The following UGT2A2 variants were observed in gnomAD, a reference collection of about 807,000 sequenced individuals.
The protein encoded by UGT2A2 is UDP glucuronosyltransferase family 2 member A2.
A neutral mutation model predicts 50.7 loss-of-function variants in UGT2A2; 60 were observed. The ratio of observed to expected loss-of-function variants is 1.18; its 90% confidence interval spans 0.96 to 1.47. The LOEUF is 1.47. UGT2A2 is among the 40% of genes most tolerant of loss of function. The pLI is 0.00. For missense variants in UGT2A2, 762 were observed against 634.0 expected, an observed-to-expected ratio of 1.20 and a Z score of -2.17; for synonymous variants, 242 against 214.6, an observed-to-expected ratio of 1.13 and a Z score of -1.11.
chr4:69,594,905 A>T (rs1042407422), intron 4 of UGT2A2, among the ~76,000 whole-genome samples: 22 of 152,158 alleles, frequency 1.4e-4, no homozygotes, highest in African/African-American at 5.1e-4. Flanking sequence ...CTGGGAATAT[A>T]TTACTGAGGA....
chr4:69,599,017 A>G (rs1719096995), intron 2 of UGT2A2, among the ~76,000 whole-genome samples: 1 of 152,096 alleles, frequency 6.6e-6, no homozygotes, highest in African/African-American at 2.4e-5. Flanking sequence ...ACACACTGAT[A>G]TTTGTAACAC....
chr4:69,607,897 G>A (rs7669007), intron 1 of UGT2A2, among the ~76,000 whole-genome samples: 22,335 of 152,000 alleles, frequency 0.15, 1,879 homozygotes, highest in Non-Finnish European at 0.19. Flanking sequence ...TTAGAATGGC[G>A]ATCATTAAAA....
intron 1 of UGT2A2, among the ~76,000 whole-genome samples, chr4:69,619,931 T>A (rs2109933975): frequency 6.6e-6 from 1 of 151,868 alleles, no homozygotes; most frequent in South Asian, 2.1e-4. Context: ...CACAAAAGGC[T>A]TTTGATACCT....
intron 1 of UGT2A2, among the ~76,000 whole-genome samples, chr4:69,627,970 C>CT (rs1271605893): frequency 6.6e-6 from 1 of 151,762 alleles, no homozygotes; most frequent in African/African-American, 2.4e-5. Flanking sequence ...CACAGATTGC[C>CT]TTTTAAGTTT....
chr4:69,601,182 G>A (rs1288193791), intron 1 of UGT2A2, among the ~76,000 whole-genome samples: 3 of 152,106 alleles, frequency 2.0e-5, no homozygotes, highest in African/African-American at 7.2e-5. Flanking sequence ...CTGTGCAGCA[G>A]AGGCGGCTGC....
At chr4:69,636,572 CA>C (rs1305564440) in intron 1 of UGT2A2, among the ~76,000 whole-genome samples, 8 of 152,144 alleles carry the variant, frequency 5.3e-5, no homozygotes, top group African/African-American at 1.9e-4. Context: ...TGCTGTTTTA[CA>C]AAGCCTTTTT....
chr4:69,597,431 C>T (rs1718993405), intron 2 of UGT2A2, among the ~76,000 whole-genome samples: 1 of 152,122 alleles, frequency 6.6e-6, no homozygotes, highest in South Asian at 2.1e-4. Context: ...GCAAATTTGA[C>T]ACTGCAAAAT....
chr4:69,591,747 A>G (rs1718608821), intron 5 of UGT2A2, among the ~76,000 whole-genome samples: 1 of 152,158 alleles, frequency 6.6e-6, no homozygotes, highest in African/African-American at 2.4e-5. Context: ...CAATAATAAA[A>G]TTTAACCATC....
At chr4:69,625,645 T>C (rs1425059987) in intron 1 of UGT2A2, among the ~76,000 whole-genome samples, 1 of 151,390 alleles carries the variant, frequency 6.6e-6, no homozygotes, top group South Asian at 2.1e-4. Context: ...ATATGCTTAC[T>C]TTTATGTTCT....
chr4:69,633,772 A>T (rs1013509478), intron 1 of UGT2A2, among the ~76,000 whole-genome samples: 2 of 152,150 alleles, frequency 1.3e-5, no homozygotes, highest in Non-Finnish European at 2.9e-5. Context: ...AGAAGCCAAG[A>T]AAGTGTTTAC....
intron 1 of UGT2A2, among the ~76,000 whole-genome samples, chr4:69,607,754 G>A (rs1262380783): frequency 1.3e-5 from 2 of 152,168 alleles, no homozygotes; most frequent in Non-Finnish European, 2.9e-5. Context: ...CAACAAGTGG[G>A]TGAAGGATAT....
At chr4:69,625,622 T>C (rs530804457) in intron 1 of UGT2A2, among the ~76,000 whole-genome samples, 15 of 151,542 alleles carry the variant, frequency 9.9e-5, no homozygotes, top group African/African-American at 3.6e-4. Flanking sequence ...ATAGAAATTT[T>C]ATTTTTCTCA....
At position 69,594,678 on chromosome 4, in the gene UGT2A2, G is replaced by A; in HGVS notation, c.1130C>T (p.Ala377Val). 2 of 1,613,826 alleles carry A rather than the reference G, an allele frequency of 1.2e-6. No individual in the cohort carries two copies. Among genetic ancestry groups the A allele is most frequent in the Non-Finnish European group, 1.7e-6 (2 of 1,179,874 alleles). The change falls in exon 5 of 6, where the codon GCT becomes GTT. Residue 377 changes from alanine to valine, a missense_variant. Coordinates refer to ENST00000604629, the MANE Select transcript of UGT2A2 (RefSeq NM_001105677.2). ...ATTAGTTCCACCATGAGTGATAAAA[G>A]CTTTGGTTTTGGGATGTCCTAATTT... ...NDLLGHPKTK[A>V]FITHGGTNGI...
At chr4:69,617,079 G>T (rs1182862285) in intron 1 of UGT2A2, among the ~76,000 whole-genome samples, 1 of 151,672 alleles carries the variant, frequency 6.6e-6, no homozygotes, top group African/African-American at 2.4e-5. Context: ...CTCTGATCTT[G>T]ATTTCTTCAT....
At chr4:69,600,433 A>G (rs1719212339) in intron 1 of UGT2A2, among the ~76,000 whole-genome samples, 1 of 152,164 alleles carries the variant, frequency 6.6e-6, no homozygotes, top group African/African-American at 2.4e-5. Flanking sequence ...TCACAGTACA[A>G]TTTTGAGTGG....
At chr4:69,626,495 A>G (rs1000083863) in intron 1 of UGT2A2, among the ~76,000 whole-genome samples, 4 of 151,622 alleles carry the variant, frequency 2.6e-5, no homozygotes, top group Non-Finnish European at 5.9e-5. Context: ...TCAGTATTCC[A>G]AAAAACAAAA....
intron 2 of UGT2A2, among the ~76,000 whole-genome samples, chr4:69,596,592 T>C (rs770303086): frequency 7.9e-5 from 12 of 152,150 alleles, no homozygotes; most frequent in Non-Finnish European, 1.6e-4. Flanking sequence ...GCATGATCTC[T>C]GCTCACTGCA....
intron 1 of UGT2A2, among the ~76,000 whole-genome samples, chr4:69,604,510 A>T (rs1719483785): frequency 7.3e-6 from 1 of 136,854 alleles, no homozygotes; most frequent in Admixed American, 7.2e-5. Context: ...AAACTGCATC[A>T]ACTAATGAGC....
intron 1 of UGT2A2, among the ~76,000 whole-genome samples, chr4:69,605,279 G>A (rs184149234): frequency 0.027 from 3,674 of 136,504 alleles, 693 homozygotes; most frequent in Middle Eastern, 0.047. Context: ...ACTCAAAACC[G>A]CTCAACTACA....
Sources: allele counts gnomAD v4.1 joint callset (sites outside exome capture counted in the v4.1 genomes callset), GRCh38; gene constraint gnomAD v4.1.1; transcripts MANE v1.5; gene names NCBI Gene and HGNC (gene_info 2026-07-23, HGNC 2026-07-21).